WDR27: variants seen among roughly 807,000 people sequenced by gnomAD.
The protein encoded by WDR27 is WD repeat-containing protein 27.
WDR27 carries 100 observed loss-of-function variants against 114.4 expected under a neutral mutation model. The ratio of observed to expected loss-of-function variants is 0.87; its 90% CI spans 0.74 to 1.03. The LOEUF (loss-of-function observed/expected upper bound fraction) is 1.03, where lower values mean the gene tolerates loss of function less well. Among genes scored for constraint, WDR27 ranks in the 50% least tolerant of loss-of-function variants. WDR27 has a pLI of 0.00. For missense variants in WDR27, 1,129 were observed against 1,092.9 expected, an observed-to-expected ratio of 1.03 and a Z score of -0.47; for synonymous variants, 449 against 423.1, an observed-to-expected ratio of 1.06 and a Z score of -0.75.
chr6:169,501,803 C>T (rs779559372), intron 25 of WDR27, among the ~76,000 whole-genome samples: 17 of 152,198 alleles, frequency 1.1e-4, no homozygotes, highest in Admixed American at 4.6e-4. Flanking sequence ...GACTGCCCTG[C>T]CTGGTGGAGA....
At chr6:169,447,215 A>G in the WDR27 span, among the ~76,000 whole-genome samples, 1 of 152,236 alleles carries the variant, frequency 6.6e-6, no homozygotes, top group Non-Finnish European at 1.5e-5. Context: ...ACATTTTTCC[A>G]AAGTTGAATT....
chr6:169,484,143 C>A (rs1788562030), intron 25 of WDR27, among the ~76,000 whole-genome samples: 1 of 152,122 alleles, frequency 6.6e-6, no homozygotes. Flanking sequence ...CTCACCACTC[C>A]CATTCAACAT....
At chr6:169,539,289 C>G (rs897777577) in intron 25 of WDR27, among the ~76,000 whole-genome samples, 1 of 152,156 alleles carries the variant, frequency 6.6e-6, no homozygotes, top group Non-Finnish European at 1.5e-5. Context: ...CGCCCCAACC[C>G]GCTGGGAAGC....
At chr6:169,521,870 A>T (rs1293882341) in intron 25 of WDR27, among the ~76,000 whole-genome samples, 1 of 152,050 alleles carries the variant, frequency 6.6e-6, no homozygotes, top group Non-Finnish European at 1.5e-5. Flanking sequence ...ACAAAGGAAG[A>T]CAGAAAGAAA....
At chr6:169,626,119 C>A (rs75242579) in intron 21 of WDR27, among the ~76,000 whole-genome samples, 6,281 of 152,294 alleles carry the variant, frequency 0.041, 161 homozygotes, top group Non-Finnish European at 0.063. Context: ...TAAAATAACC[C>A]GAATGGGGTT....
intron 23 of WDR27, among the ~76,000 whole-genome samples, chr6:169,590,797 G>A (rs750098820): frequency 3.3e-5 from 5 of 152,222 alleles, no homozygotes; most frequent in Admixed American, 6.5e-5. Context: ...AGTGGACAGT[G>A]GTAAATACCT....
chr6:169,691,169 C>T (rs1332560561), intron 1 of WDR27, among the ~76,000 whole-genome samples: 4 of 151,992 alleles, frequency 2.6e-5, no homozygotes, highest in East Asian at 3.9e-4. Flanking sequence ...GAGCCGAGAT[C>T]GCGCCACTGC....
At chr6:169,569,150 C>T (rs1046349235) in intron 25 of WDR27, among the ~76,000 whole-genome samples, 1 of 152,212 alleles carries the variant, frequency 6.6e-6, no homozygotes, top group African/African-American at 2.4e-5. Flanking sequence ...GATGCTACTG[C>T]AGCATGAGTT....
At chr6:169,658,566 A>C (rs1263919345) in intron 12 of WDR27, among the ~76,000 whole-genome samples, 2 of 152,176 alleles carry the variant, frequency 1.3e-5, no homozygotes, top group East Asian at 3.9e-4. Context: ...TATAATGTAC[A>C]TTCTATTATG....
At chr6:169,618,670 T>C (rs1225346699) in intron 21 of WDR27, among the ~76,000 whole-genome samples, 9 of 139,450 alleles carry the variant, frequency 6.5e-5, no homozygotes, top group Non-Finnish European at 1.2e-4. Flanking sequence ...GCATGACTAA[T>C]GTGGCTGAGG....
rs1010790501 is a variant in WDR27, at chr6:169,667,843, G to A, written c.660+139C>T. Reference sequence around the variant, plus strand: ...TGGCGTTTCTGTGGAAATCAGGATAGCGGGCGCCTTGCAGAAGTGAGGTAG... The same window carrying A: ...TGGCGTTTCTGTGGAAATCAGGATAACGGGCGCCTTGCAGAAGTGAGGTAG... On this transcript the variant is annotated intron_variant, in intron 5 of 25. Transcript: ENST00000448612. 1.5e-5 allele frequency: 12 copies of A among 816,114 alleles called. No homozygotes were observed. In the African/African-American group the frequency reaches 1.6e-4, roughly 11 times the overall value. 50.6% of individuals were successfully genotyped at this position (816,114 alleles called of 1,614,324 possible).
the WDR27 span, among the ~76,000 whole-genome samples, chr6:169,441,278 C>G: frequency 6.6e-6 from 1 of 152,266 alleles, no homozygotes; most frequent in Non-Finnish European, 1.5e-5. Context: ...ACCACCAAGA[C>G]AGGTCCACTA....
At chr6:169,674,323 T>C (rs1779531591) in intron 2 of WDR27, among the ~76,000 whole-genome samples, 1 of 152,166 alleles carries the variant, frequency 6.6e-6, no homozygotes. Context: ...GACAAGAACA[T>C]TCAAACCATT....
intron 2 of WDR27, among the ~76,000 whole-genome samples, chr6:169,683,637 G>C (rs1331523458): frequency 2.0e-5 from 3 of 152,142 alleles, no homozygotes; most frequent in African/African-American, 7.2e-5. Context: ...GTGGTGACTG[G>C]AAGTCCAGGA....
chr6:169,665,607 T>G (rs1434810428), intron 6 of WDR27, 51 bp from the exon 7 acceptor site: 16 of 1,548,708 alleles, frequency 1.0e-5, no homozygotes, highest in Non-Finnish European at 1.3e-5. Flanking sequence ...CTGGTACCAA[T>G]TAACCCGAGA....
intron 25 of WDR27, among the ~76,000 whole-genome samples, chr6:169,516,007 C>T (rs1401106015): frequency 2.0e-5 from 3 of 152,012 alleles, no homozygotes; most frequent in Non-Finnish European, 4.4e-5. Context: ...TAAGTAACTC[C>T]AGCATTCATC....
In WDR27 at chr6:169,659,020, CA is replaced by C; in HGVS notation, c.1319+65del. ...GAGTTTTCTAATCTTTATTTCTGAA[CA>C]TAGAAATCCAGATGGCACTTATTGG... On this transcript the variant is annotated intron_variant, in intron 12 of 25. Transcript: ENST00000448612. The surrounding 1 kb of genome is among the most constrained non-coding windows in gnomAD (Gnocchi z 4.3). 6.8e-7 allele frequency: 1 copy of C among 1,474,266 alleles called. No individual in the cohort carries two copies. Among genetic ancestry groups the C allele is most frequent in the South Asian group, 1.5e-5 (1 of 67,024 alleles). The allele number at this position is 1,474,266 out of a possible 1,614,324, so 91.3% of individuals were successfully genotyped here.
At chr6:169,563,402 G>A (rs1204536574) in intron 25 of WDR27, among the ~76,000 whole-genome samples, 1 of 152,154 alleles carries the variant, frequency 6.6e-6, no homozygotes, top group Non-Finnish European at 1.5e-5. Flanking sequence ...CCTGAACACT[G>A]AAGTGTTCAG....
At position 169,649,235 on chromosome 6, in the gene WDR27, C is replaced by G; in HGVS notation, c.1522G>C (p.Gly508Arg). The G allele has an allele frequency of 6.3e-7, 1 of 1,578,892 alleles. No homozygotes were observed. Among genetic ancestry groups the G allele is most frequent in the Non-Finnish European group, 8.6e-7 (1 of 1,161,660 alleles). ...CTCCTGCTCCTTGAAGATCCTTTCC[C>G]CTCACTCTTGATGTTGGTCTTTGGT... ...FSPKTNIKSEGKGSSRSRSSC... is the reference protein window; with the variant it reads ...FSPKTNIKSERKGSSRSRSSC... Residue 508 changes from glycine (G) to arginine (R), a missense_variant, in exon 15 of 26, where the codon GGG (glycine) becomes CGG (arginine). Physicochemically the swap from Gly to Arg is moderately radical, Grantham distance 125. Transcript: ENST00000448612.
Sources: allele counts gnomAD v4.1 joint callset (sites outside exome capture counted in the v4.1 genomes callset), GRCh38; gene constraint gnomAD v4.1.1; non-coding constraint Gnocchi (gnomAD v3.1); transcripts MANE v1.5; gene names NCBI Gene and HGNC (gene_info 2026-07-23, HGNC 2026-07-21).